The following GRIN3A variants were observed in gnomAD, a reference collection of about 807,000 sequenced individuals.
GRIN3A encodes the protein glutamate ionotropic receptor NMDA type subunit 3A, also known as glutamate receptor ionotropic, NMDA 3A.
GRIN3A carries 47 observed loss-of-function variants against 92.4 expected under a neutral mutation model. The observed-to-expected ratio is 0.51, with a 90% CI of 0.40 to 0.65. The LOEUF is 0.65. Among genes scored for constraint, GRIN3A ranks in the 30% least tolerant of loss-of-function variants. The pLI is 0.00. For missense variants in GRIN3A, 1,324 were observed against 1,393.1 expected (o/e 0.95, Z 0.79); for synonymous variants, 527 against 540.6 (o/e 0.97, Z 0.35).
intron 5 of GRIN3A, among the ~76,000 whole-genome samples, chr9:101,615,391 T>G (rs942454323): frequency 6.8e-6 from 1 of 146,614 alleles, no homozygotes; most frequent in Non-Finnish European, 1.5e-5. Context: ...TGTTCCTTTT[T>G]TTTTTTTTTT....
intron 2 of GRIN3A, among the ~76,000 whole-genome samples, chr9:101,673,255 A>C (rs1170991865): frequency 6.6e-6 from 1 of 152,120 alleles, no homozygotes; most frequent in Non-Finnish European, 1.5e-5. Flanking sequence ...AAATTTCCAG[A>C]GATTACACAA....
intron 2 of GRIN3A, among the ~76,000 whole-genome samples, chr9:101,678,079 A>G (rs1349099781): frequency 6.6e-6 from 1 of 152,144 alleles, no homozygotes; most frequent in Admixed American, 6.5e-5. Context: ...CATTTATCTA[A>G]GTACCTATCT....
chr9:101,645,680 T>C (rs1356442987), intron 3 of GRIN3A, among the ~76,000 whole-genome samples: 1 of 148,372 alleles, frequency 6.7e-6, no homozygotes, highest in Non-Finnish European at 1.5e-5. Context: ...CTTGATGGCA[T>C]ATATATAGAT....
intron 6 of GRIN3A, among the ~76,000 whole-genome samples, chr9:101,596,826 AG>A (rs1370577488): frequency 2.3e-4 from 35 of 152,364 alleles, no homozygotes; most frequent in Admixed American, 1.9e-3. Context: ...AGTCTTAGGA[AG>A]GGTGAGGATC....
At chr9:101,666,606 T>G (rs147078684) in intron 3 of GRIN3A, among the ~76,000 whole-genome samples, 3 of 152,182 alleles carry the variant, frequency 2.0e-5, no homozygotes, top group East Asian at 3.9e-4. Context: ...AGTTTACCTA[T>G]GTAACAAACC....
At chr9:101,727,111 C>T (rs567072868) in intron 1 of GRIN3A, among the ~76,000 whole-genome samples, 17 of 152,268 alleles carry the variant, frequency 1.1e-4, no homozygotes, top group African/African-American at 2.9e-4. Flanking sequence ...AAAATCCCTT[C>T]GGTAACAGTG....
rs918789920 is a variant in GRIN3A, at chr9:101,654,057, C to T, written c.2352+16003G>A. ...ACATCTTTAGCAGGTAAATATTTCA[C>T]ATTGAATCCTCTTGGTCTCTTTTAA... is the stretch of plus-strand genomic sequence containing the variant. On this transcript the variant is annotated intron_variant, in intron 3 of 8. Coordinates refer to ENST00000361820, the MANE Select transcript of GRIN3A (RefSeq NM_133445.3). 2.0e-5 allele frequency among the ~76,000 whole-genome samples: 3 copies of T among 151,772 alleles called. No homozygotes were observed. In the South Asian group the frequency reaches 6.2e-4, roughly 31 times the overall value.
intron 7 of GRIN3A, among the ~76,000 whole-genome samples, chr9:101,578,867 CAAGAA>C (rs1387476932): frequency 6.6e-6 from 1 of 152,056 alleles, no homozygotes; most frequent in Non-Finnish European, 1.5e-5. Flanking sequence ...TCAATTTTGG[CAAGAA>C]AAGAACCTAG....
intron 6 of GRIN3A, among the ~76,000 whole-genome samples, chr9:101,604,738 A>C (rs1037906258): frequency 1.3e-5 from 2 of 152,166 alleles, no homozygotes; most frequent in African/African-American, 4.8e-5. Context: ...GCCCTCCCCC[A>C]CTGCCCTAAC....
At chr9:101,617,205 TAAAAAAAAAAAAA>T (rs61141843) in intron 5 of GRIN3A, among the ~76,000 whole-genome samples, 1 of 107,194 alleles carries the variant, frequency 9.3e-6, no homozygotes, top group Non-Finnish European at 1.9e-5. Flanking sequence ...AGACTCCGTC[TAAAAAAAAAAAAA>T]AAAAAAAAGA....
intron 5 of GRIN3A, among the ~76,000 whole-genome samples, chr9:101,617,162 T>C (rs1224754749): frequency 2.9e-5 from 4 of 139,534 alleles, no homozygotes; most frequent in South Asian, 4.4e-4. Context: ...ATTGCGCCAC[T>C]GCAGTCCGCA....
At chr9:101,616,926 C>T (rs1217134102) in intron 5 of GRIN3A, among the ~76,000 whole-genome samples, 3 of 149,306 alleles carry the variant, frequency 2.0e-5, no homozygotes, top group Non-Finnish European at 4.4e-5. Flanking sequence ...AAGGGCCGGG[C>T]GCAGTGGCTC....
At chr9:101,623,502 G>T in intron 4 of GRIN3A, 69 bp from the exon 5 acceptor site, 1 of 1,139,482 alleles carries the variant, frequency 8.8e-7, no homozygotes, top group Non-Finnish European at 1.3e-6. Flanking sequence ...AAGGCTGACA[G>T]CCGGCTTTTG....
chr9:101,663,865 CTTT>C lies in GRIN3A; in HGVS notation c.2352+6192_2352+6194del, dbSNP rs71356374. On this transcript the variant is annotated intron_variant, in intron 3 of 8. Coordinates refer to ENST00000361820, the MANE Select transcript of GRIN3A (RefSeq NM_133445.3). Reference sequence around the variant, plus strand: ...TCTACAGAGCTGAATTTTTCTTTTTCTTTTTTTTTTTTTATTAGATACTTCTCA... The same window carrying C: ...TCTACAGAGCTGAATTTTTCTTTTTCTTTTTTTTTTATTAGATACTTCTCA... Among the ~76,000 whole-genome samples the C allele has an allele frequency of 6.4e-3, 932 of 144,954 alleles. 5 individuals are homozygous for C. Among genetic ancestry groups the C allele is most frequent in the African/African-American group, 0.022 (856 of 39,298 alleles).
rs1416158341 is a variant in GRIN3A, at chr9:101,613,405, A to G, written c.2737T>C (p.Cys913Arg). ...GTGACAGCAAAACTTCTCTTGCCAC[A>G]GGGAACCACCCTGTACCACTTGTCA... ...LHDKWYRVVP[C>R]GKRSFAVTET... The change falls in exon 6 of 9, where the codon TGT becomes CGT. Residue 913 changes from cysteine (C) to arginine (R), a missense_variant. Coordinates refer to ENST00000361820, the MANE Select transcript of GRIN3A (RefSeq NM_133445.3). 1 of 1,614,108 alleles carries G rather than the reference A, an allele frequency of 6.2e-7. No homozygotes were observed. Among genetic ancestry groups the G allele is most frequent in the Non-Finnish European group, 8.5e-7 (1 of 1,180,040 alleles).
intron 1 of GRIN3A, among the ~76,000 whole-genome samples, chr9:101,728,461 A>T (rs1273577745): frequency 6.6e-6 from 1 of 152,222 alleles, no homozygotes; most frequent in Non-Finnish European, 1.5e-5. Context: ...AGCCACTTGC[A>T]GTGTGATGAA....
chr9:101,587,309 CAA>C (rs113147915), intron 6 of GRIN3A, among the ~76,000 whole-genome samples: 4,195 of 99,672 alleles, frequency 0.042, 162 homozygotes, highest in African/African-American at 0.13. Flanking sequence ...GACTCCATCT[CAA>C]AAAAAAAAAA....
chr9:101,608,183 C>T (rs1359017940), intron 6 of GRIN3A, among the ~76,000 whole-genome samples: 1 of 152,182 alleles, frequency 6.6e-6, no homozygotes, highest in Non-Finnish European at 1.5e-5. Flanking sequence ...TCTCTACACA[C>T]ACTGATGTTA....
rs932492209 is a variant in GRIN3A at position 101,569,720 on chromosome 9, A to G, written c.*3454T>C. 4 of 152,232 alleles carry G rather than the reference A, an allele frequency of 2.6e-5. No individual in the cohort carries two copies. The highest frequency in any genetic ancestry group is 5.9e-5 in the Non-Finnish European group (4 of 68,036). 9.4% of individuals were successfully genotyped at this position (152,232 alleles called of 1,614,324 possible). A position where few individuals can be genotyped will look rare whatever the true frequency, so the allele number is the denominator to read the frequency against. ...AGATAGTAAAGTAGTATTAATGCCT[A>G]GAAAGCAATTTCTGAAGAACTGGAT... On this transcript the variant is annotated 3_prime_UTR_variant, in exon 9 of 9. Coordinates refer to ENST00000361820, the MANE Select transcript of GRIN3A (RefSeq NM_133445.3).
Sources: gnomAD v4.1 joint callset for allele counts (sites outside exome capture counted in the v4.1 genomes callset) on GRCh38, gnomAD v4.1.1 for gene constraint, MANE v1.5 for transcripts, NCBI Gene and HGNC (gene_info 2026-07-23, HGNC 2026-07-21) for gene names.